USP8: variants seen among roughly 807,000 people sequenced by gnomAD.
USP8 encodes the protein ubiquitin specific peptidase 8, also known as ubiquitin carboxyl-terminal hydrolase 8.
In USP8, 27 loss-of-function variants were observed where a neutral mutation model predicts 130.0. The ratio of observed to expected loss-of-function variants is 0.21; its 90% CI spans 0.15 to 0.29. The LOEUF (loss-of-function observed/expected upper bound fraction) is 0.29, where lower values mean the gene tolerates loss of function less well. Among genes scored for constraint, USP8 ranks in the 10% least tolerant of loss-of-function variants. The pLI is 1.00. For synonymous variants in USP8, 392 were observed against 444.1 expected (o/e 0.88, Z 1.48); for missense variants, 1,029 against 1,312.2 (o/e 0.78, Z 3.33).
At chr15:50,498,461 C>T in intron 18 of USP8, 135 bp from the exon 19 acceptor site, 1 of 1,174,304 alleles carries the variant, frequency 8.5e-7, no homozygotes, top group Non-Finnish European at 1.2e-6. Context: ...TAACAGGTTC[C>T]TCTACTACTA....
chr15:50,453,895 C>G lies in USP8; in HGVS notation c.335+4410C>G, dbSNP rs1235382494. On this transcript the variant is annotated intron_variant, in intron 4 of 19. Transcript: ENST00000307179. Reference sequence around the variant, plus strand: ...TTTTTTTTTTTTTGAGACAGGGTCTCACTGTCCTGAAGGCTGGAGTGCAGT... The same window carrying G: ...TTTTTTTTTTTTTGAGACAGGGTCTGACTGTCCTGAAGGCTGGAGTGCAGT... Among the ~76,000 whole-genome samples the G allele has an allele frequency of 1.3e-4, 15 of 118,288 alleles. No homozygotes were observed. The Admixed American group carries it at 1.6e-3, about 13-fold the overall frequency. The allele number at this position is 118,288 out of a possible 152,430, so 77.6% of individuals were successfully genotyped here.
At chr15:50,485,348 G>A (rs2051917559) in intron 12 of USP8, among the ~76,000 whole-genome samples, 1 of 151,386 alleles carries the variant, frequency 6.6e-6, no homozygotes, top group African/African-American at 2.4e-5. Flanking sequence ...TACTCGGGAG[G>A]CTGAGGCAGG....
Position 50,500,931 on chromosome 15 carries a change from T to A in USP8, c.*1843T>A. 9.6e-7 allele frequency: 1 copy of A among 1,036,456 alleles called. No individual in the cohort carries two copies. The highest frequency in any genetic ancestry group is 1.5e-6 in the Non-Finnish European group (1 of 688,784). The allele number at this position is 1,036,456 out of a possible 1,614,324, so 64.2% of individuals were successfully genotyped here. ...GGGCCAAGAGATGCTTTTTAAATTG[T>A]CCCTTATTCTAAATTAAAAGGAAGT... On this transcript the variant is annotated 3_prime_UTR_variant, in exon 20 of 20. Coordinates refer to ENST00000307179, the MANE Select transcript of USP8 (RefSeq NM_005154.5).
intron 8 of USP8, among the ~76,000 whole-genome samples, chr15:50,474,683 T>C (rs992208721): frequency 6.6e-6 from 1 of 152,232 alleles, no homozygotes; most frequent in Non-Finnish European, 1.5e-5. Context: ...CTACCTTATT[T>C]CTTAGACCAA....
rs1231602620 is a variant in USP8, at chr15:50,503,568, C to G, written c.*4480C>G. On this transcript the variant is annotated 3_prime_UTR_variant, in exon 20 of 20. Transcript: ENST00000307179. ...TGGAAGGATTAAAAAACAAAATCCA[C>G]CCTCTAGTGCTTGTGTTAGCTTGGA... 4 of 152,184 alleles carry G rather than the reference C, an allele frequency of 2.6e-5. No individual in the cohort carries two copies. The highest frequency in any genetic ancestry group is 7.2e-5 in the African/African-American group (3 of 41,422). The allele number at this position is 152,184 out of a possible 1,614,324, so 9.4% of individuals were successfully genotyped here.
intron 8 of USP8, among the ~76,000 whole-genome samples, chr15:50,474,767 T>G (rs1276796396): frequency 6.6e-6 from 1 of 152,158 alleles, no homozygotes; most frequent in Non-Finnish European, 1.5e-5. Flanking sequence ...AGCATTGGTA[T>G]TTTTTAGTAC....
rs1398012352 is a variant in USP8 at position 50,506,428 on chromosome 15, A to T, written c.*7340A>T. The stretch of plus-strand genomic sequence containing the variant: ...ACTGCCTGATTTTCTGAGGTGGAAC[A>T]GTTTAATCCCAAAACCATGCCCGCC... On this transcript the variant is annotated 3_prime_UTR_variant, in exon 20 of 20. Transcript: ENST00000307179. 1 of 152,208 alleles carries T rather than the reference A, an allele frequency of 6.6e-6. No homozygotes were observed. Among genetic ancestry groups the T allele is most frequent in the South Asian group, 2.1e-4 (1 of 4,832 alleles). 9.4% of individuals were successfully genotyped at this position (152,208 alleles called of 1,614,324 possible).
At chr15:50,448,032 C>T (rs571030868) in intron 3 of USP8, among the ~76,000 whole-genome samples, 4 of 152,078 alleles carry the variant, frequency 2.6e-5, no homozygotes, top group African/African-American at 7.2e-5. Flanking sequence ...TGTGAGCCAC[C>T]GCACATGGCC....
rs2052718968 is a variant in USP8 at position 50,510,183 on chromosome 15, G to A, written c.*11095G>A. 1 of 152,150 alleles carries A rather than the reference G, an allele frequency of 6.6e-6. No individual in the cohort carries two copies. 9.4% of individuals were successfully genotyped at this position (152,150 alleles called of 1,614,324 possible). A position where few individuals can be genotyped will look rare whatever the true frequency, so the allele number is the denominator to read the frequency against. On this transcript the variant is annotated 3_prime_UTR_variant, in exon 20 of 20. Transcript: ENST00000307179. Reference sequence around the variant, plus strand: ...GTTACTGAGGAAAAGAAGAGGCTGAGACATTTGGTTATTCATATGCAGAAA... The same window carrying A: ...GTTACTGAGGAAAAGAAGAGGCTGAAACATTTGGTTATTCATATGCAGAAA...
Position 50,504,824 on chromosome 15 carries a change from CAAAA to C in USP8, c.*5741_*5744del, listed in dbSNP as rs60405800. ...GAAACCCTGTCTCTATTAAAAAAAACAAAAAAAATTAGCTGGGCCTGGTGGCGTG... is the reference window on the plus strand; with the variant it reads ...GAAACCCTGTCTCTATTAAAAAAAACAAAATTAGCTGGGCCTGGTGGCGTG... On this transcript the variant is annotated 3_prime_UTR_variant, in exon 20 of 20. Coordinates refer to ENST00000307179, the MANE Select transcript of USP8 (RefSeq NM_005154.5). The C allele has an allele frequency of 4.6e-5, 7 of 150,732 alleles. No individual in the cohort carries two copies. In the East Asian group the frequency reaches 5.9e-4, roughly 13 times the overall value. 9.3% of individuals were successfully genotyped at this position (150,732 alleles called of 1,614,324 possible).
chr15:50,432,204 C>A (rs1248020106), intron 1 of USP8: 1 of 152,160 alleles, frequency 6.6e-6, no homozygotes, highest in Non-Finnish European at 1.5e-5. Flanking sequence ...AAGTTTGTTT[C>A]TTCTTGTAGC....
rs1296087270 is a variant in USP8 at position 50,504,274 on chromosome 15, C to G, written c.*5186C>G. The G allele has an allele frequency of 6.6e-6, 1 of 152,204 alleles. No homozygotes were observed. The highest frequency in any genetic ancestry group is 1.9e-4 in the East Asian group (1 of 5,198). 9.4% of individuals were successfully genotyped at this position (152,204 alleles called of 1,614,324 possible). On this transcript the variant is annotated 3_prime_UTR_variant, in exon 20 of 20. Coordinates refer to ENST00000307179, the MANE Select transcript of USP8 (RefSeq NM_005154.5). ...GCATGGTGGCTCACACGTGTAATCC[C>G]AACGTTTTTGGGGGATGGAGGTGGG...
rs1349156470 is a variant in USP8, at chr15:50,501,121, TTAATA to T, written c.*2036_*2040del. 3.1e-6 allele frequency: 1 copy of T among 327,324 alleles called. No homozygotes were observed. Among genetic ancestry groups the T allele is most frequent in the African/African-American group, 2.1e-5 (1 of 47,222 alleles). The allele number at this position is 327,324 out of a possible 1,614,324, so 20.3% of individuals were successfully genotyped here. A position where few individuals can be genotyped will look rare whatever the true frequency, so the allele number is the denominator to read the frequency against. ...TTATCAGTGAACATTTAGTTAGCACTTAATATACATCAACTATTAAGCATTAAAGG... is the reference window on the plus strand; with the variant it reads ...TTATCAGTGAACATTTAGTTAGCACTTACATCAACTATTAAGCATTAAAGG... On this transcript the variant is annotated 3_prime_UTR_variant, in exon 20 of 20. Coordinates refer to ENST00000307179, the MANE Select transcript of USP8 (RefSeq NM_005154.5).
chr15:50,429,909 G>T (rs184220499), intron 1 of USP8, among the ~76,000 whole-genome samples: 12 of 152,236 alleles, frequency 7.9e-5, no homozygotes, highest in Non-Finnish European at 1.6e-4. Flanking sequence ...GAAGACAAAA[G>T]AAATGGATTA....
At position 50,498,411 on chromosome 15, in the gene USP8, GTTTTCTTGTTTGTA is replaced by G. The variant is rs2052496239; in HGVS notation, c.3039-184_3039-171del. 1.4e-5 allele frequency: 10 copies of G among 719,548 alleles called. No homozygotes were observed. The South Asian group carries it at 2.7e-4, about 19-fold the overall frequency. The allele number at this position is 719,548 out of a possible 1,614,324, so 44.6% of individuals were successfully genotyped here. On this transcript the variant is annotated intron_variant, in intron 18 of 19. Transcript: ENST00000307179. The stretch of plus-strand genomic sequence containing the variant: ...CATCATTAAATATCCATATGCCTCA[GTTTTCTTGTTTGTA>G]AAATGGAAATGAAGCCAAATGTCTT...
intron 8 of USP8, among the ~76,000 whole-genome samples, chr15:50,475,540 C>T (rs1343757718): frequency 6.6e-6 from 1 of 151,094 alleles, no homozygotes; most frequent in African/African-American, 2.5e-5. Flanking sequence ...TAAAGAAATA[C>T]ATATATATAC....
chr15:50,462,438 A>G, intron 6 of USP8, 116 bp downstream of exon 6: 2 of 872,452 alleles, frequency 2.3e-6, no homozygotes, highest in Non-Finnish European at 3.4e-6. Flanking sequence ...ATCTCTATGT[A>G]AGCTTTATCA....
Position 50,499,068 on chromosome 15 carries a change from G to A in USP8, c.3337G>A (p.Val1113Ile). Reference sequence around the variant, plus strand: ...CTTTTATACTTCATTGGGACCACGAGTAACTGATGTAGCCACATAAGGAGA... The same window carrying A: ...CTTTTATACTTCATTGGGACCACGAATAACTGATGTAGCCACATAAGGAGA... The part of the protein sequence containing the change: ...ILFYTSLGPR[V>I]TDVAT The change falls in exon 20 of 20, where the codon GTA becomes ATA. Residue 1113 changes from valine (V) to isoleucine (I), a missense_variant. Val to Ile is a conservative substitution (Grantham distance 29). This residue lies in a region of USP8 where 257 missense variants were observed against 429.8 expected (regional missense o/e 0.60). Coordinates refer to ENST00000307179, the MANE Select transcript of USP8 (RefSeq NM_005154.5). The A allele has an allele frequency of 1.2e-6, 2 of 1,610,186 alleles. No individual in the cohort carries two copies. The highest frequency in any genetic ancestry group is 2.2e-5 in the East Asian group (1 of 44,840).
At chr15:50,458,895 C>G (rs2050881260) in intron 4 of USP8, 105 bp from the exon 5 acceptor site, 4 of 1,357,430 alleles carry the variant, frequency 2.9e-6, no homozygotes, top group Non-Finnish European at 4.1e-6. Flanking sequence ...AGCATATAGC[C>G]ATGAAATACC....
Sources: allele counts gnomAD v4.1 joint callset (sites outside exome capture counted in the v4.1 genomes callset), GRCh38; gene constraint gnomAD v4.1.1; regional missense constraint gnomAD v4.1.1; transcripts MANE v1.5; gene names NCBI Gene and HGNC (gene_info 2026-07-23, HGNC 2026-07-21).